PARD3: variants seen among roughly 807,000 people sequenced by gnomAD.
PARD3 encodes the protein par-3 family cell polarity regulator.
Under a neutral mutation model 155.4 loss-of-function variants are expected in PARD3, and 75 were observed. The ratio of observed to expected loss-of-function variants is 0.48; its 90% CI spans 0.40 to 0.58. PARD3 has a LOEUF of 0.58. Ranked by LOEUF, PARD3 falls within the 20% of genes least tolerant of loss-of-function variation. The pLI is 0.00. For missense variants in PARD3, 1,642 were observed against 1,721.7 expected, an observed-to-expected ratio of 0.95 and a Z score of 0.82; for synonymous variants, 576 against 610.5, an observed-to-expected ratio of 0.94 and a Z score of 0.83.
At chr10:34,371,518 AAAAAAAAAAAAAAAC>A (rs1486792650) in intron 12 of PARD3, among the ~76,000 whole-genome samples, 32 of 83,560 alleles carry the variant, frequency 3.8e-4, no homozygotes, top group East Asian at 7.1e-4. Context: ...AAAAAAAAAA[AAAAAAAAAAAAAAAC>A]AACGAAGGAA....
intron 22 of PARD3, among the ~76,000 whole-genome samples, chr10:34,160,661 G>A (rs796392367): frequency 4.6e-5 from 7 of 151,996 alleles, no homozygotes; most frequent in African/African-American, 1.7e-4. Flanking sequence ...TTTTGTTGTT[G>A]GTGGTGCTCA....
chr10:34,640,423 CCTGT>C (rs1465066119), intron 2 of PARD3, among the ~76,000 whole-genome samples: 1 of 152,090 alleles, frequency 6.6e-6, no homozygotes, highest in Non-Finnish European at 1.5e-5. Flanking sequence ...TTGAAATCAG[CCTGT>C]CTAACATGGT....
intron 2 of PARD3, among the ~76,000 whole-genome samples, chr10:34,651,011 C>CAAAAAAAAAAAAAAAAA (rs60113552): frequency 6.7e-5 from 3 of 44,546 alleles, no homozygotes; most frequent in East Asian, 1.1e-3. Context: ...AACTCTGTCT[C>CAAAAAAAAAAAAAAAAA]AAAAAAAAAA....
chr10:34,318,422 A>G (rs542117502), intron 19 of PARD3, among the ~76,000 whole-genome samples: 51 of 152,284 alleles, frequency 3.3e-4, no homozygotes, highest in African/African-American at 1.2e-3. Flanking sequence ...ATAGATCATT[A>G]TTTCTGAGTT....
intron 22 of PARD3, among the ~76,000 whole-genome samples, chr10:34,149,933 GTTCT>G (rs901710364): frequency 1.2e-4 from 19 of 152,102 alleles, no homozygotes; most frequent in African/African-American, 3.1e-4. Context: ...ATTTTGTAAT[GTTCT>G]TTCTATCATT....
chr10:34,798,376 T>C (rs894353127), intron 1 of PARD3, among the ~76,000 whole-genome samples: 1 of 139,898 alleles, frequency 7.1e-6, no homozygotes, highest in Admixed American at 7.4e-5. Flanking sequence ...GAAGAAGAAA[T>C]GAGAAGAAAG....
At chr10:34,568,007 GA>G (rs144327023) in intron 2 of PARD3, among the ~76,000 whole-genome samples, 8,321 of 152,214 alleles carry the variant, frequency 0.055, 681 homozygotes, top group African/African-American at 0.18. Context: ...GCAGGTTAAG[GA>G]ACAAAACCAA....
chr10:34,357,524 T>C (rs113558028), intron 14 of PARD3, among the ~76,000 whole-genome samples: 18 of 152,328 alleles, frequency 1.2e-4, no homozygotes, highest in African/African-American at 3.1e-4. Flanking sequence ...ACAGTTGAGA[T>C]GTTTTCATAT....
intron 2 of PARD3, among the ~76,000 whole-genome samples, chr10:34,568,804 A>G (rs2086161830): frequency 6.6e-6 from 1 of 152,232 alleles, no homozygotes; most frequent in Non-Finnish European, 1.5e-5. Flanking sequence ...ATTGTAAAAA[A>G]GATGCACTCA....
At chr10:34,540,786 G>A (rs2083555811) in intron 2 of PARD3, among the ~76,000 whole-genome samples, 1 of 152,086 alleles carries the variant, frequency 6.6e-6, no homozygotes, top group Non-Finnish European at 1.5e-5. Context: ...TGTCTCGGAG[G>A]GGACCGGGGG....
At chr10:34,111,888 C>T (rs1024432606) in intron 24 of PARD3, among the ~76,000 whole-genome samples, 3 of 152,186 alleles carry the variant, frequency 2.0e-5, no homozygotes, top group Non-Finnish European at 2.9e-5. Flanking sequence ...GCAATTTAGA[C>T]ACACTGGCAA....
At chr10:34,192,947 C>T (rs1238077733) in intron 22 of PARD3, among the ~76,000 whole-genome samples, 1 of 152,190 alleles carries the variant, frequency 6.6e-6, no homozygotes, top group Non-Finnish European at 1.5e-5. Context: ...ATTTTTATGA[C>T]ATTCCAATTC....
At chr10:34,293,222 G>A (rs79893747) in intron 20 of PARD3, among the ~76,000 whole-genome samples, 9 of 152,260 alleles carry the variant, frequency 5.9e-5, no homozygotes, top group African/African-American at 2.2e-4. Context: ...ATGAGTGAAA[G>A]CATATCTTAA....
chr10:34,598,083 T>C (rs76893172), intron 2 of PARD3, among the ~76,000 whole-genome samples: 2,616 of 152,232 alleles, frequency 0.017, 70 homozygotes, highest in African/African-American at 0.06. Context: ...TACGCCTAAG[T>C]GTCTATCTGT....
chr10:34,735,984 A>C (rs2094906260), intron 1 of PARD3, among the ~76,000 whole-genome samples: 1 of 151,894 alleles, frequency 6.6e-6, no homozygotes, highest in East Asian at 1.9e-4. Context: ...CTGCCCTCCC[A>C]AATTGTTCAG....
chr10:34,125,090 G>A (rs1450173293), intron 23 of PARD3, among the ~76,000 whole-genome samples: 10 of 127,340 alleles, frequency 7.9e-5, no homozygotes, highest in Admixed American at 7.4e-4. Flanking sequence ...TTTTTGAGAC[G>A]GAGTCTTGCT....
At chr10:34,353,093 G>A (rs1230679633) in intron 14 of PARD3, among the ~76,000 whole-genome samples, 1 of 152,138 alleles carries the variant, frequency 6.6e-6, no homozygotes, top group African/African-American at 2.4e-5. Context: ...GGGAAGTGAG[G>A]AGCCCCTCCG....
At chr10:34,721,101 A>G (rs375745420) in intron 1 of PARD3, among the ~76,000 whole-genome samples, 6 of 152,216 alleles carry the variant, frequency 3.9e-5, no homozygotes, top group East Asian at 3.9e-4. Context: ...TTCTAAATCT[A>G]TATCAACTAT....
Position 34,597,302 on chromosome 10 carries a change from TATATA to T in PARD3, c.223-80148_223-80144del, listed in dbSNP as rs145321233. 9.7e-3 allele frequency among the ~76,000 whole-genome samples: 1,471 copies of T among 151,842 alleles called. 30 individuals are homozygous for T. The highest frequency in any genetic ancestry group is 0.033 in the African/African-American group (1,377 of 41,440). The stretch of plus-strand genomic sequence containing the variant: ...TTTTTTTTGTTTTTGTTTATATTTA[TATATA>T]ATATAATATTGATATACTGCTTGTG... On this transcript the variant is annotated intron_variant, in intron 2 of 24. Coordinates refer to ENST00000374788, the MANE Select transcript of PARD3 (RefSeq NM_001184785.2).
Sources: gnomAD v4.1 joint callset for allele counts (sites outside exome capture counted in the v4.1 genomes callset) on GRCh38, gnomAD v4.1.1 for gene constraint, MANE v1.5 for transcripts, NCBI Gene and HGNC (gene_info 2026-07-23, HGNC 2026-07-21) for gene names.